MINDY2: variants seen among roughly 807,000 people sequenced by gnomAD.
MINDY2 encodes MINDY lysine 48 deubiquitinase 2, also known as ubiquitin carboxyl-terminal hydrolase MINDY-2.
A neutral mutation model predicts 68.2 loss-of-function variants in MINDY2; 52 were observed. The ratio of observed to expected loss-of-function variants is 0.76; its 90% CI spans 0.61 to 0.96. MINDY2 has a LOEUF of 0.96. Among genes scored for constraint, MINDY2 ranks in the 40% least tolerant of loss-of-function variants. The pLI is 0.00. For missense variants in MINDY2, 881 were observed against 773.4 expected (o/e 1.14, Z -1.65); for synonymous variants, 372 against 303.0 (o/e 1.23, Z -2.36).
In MINDY2 at chr15:58,809,039, C is replaced by T. The variant is rs892136852; in HGVS notation, c.964-1191C>T. Among the ~76,000 whole-genome samples, 10 of 152,234 alleles carry T rather than the reference C, an allele frequency of 6.6e-5. No individual in the cohort carries two copies. In the South Asian group the frequency reaches 1.2e-3, roughly 19 times the overall value. The stretch of plus-strand genomic sequence containing the variant: ...CAGCCTGGGTAACATAGTGAGACCC[C>T]GTCTCTACAAAATATCAAAAACATT... On this transcript the variant is annotated intron_variant, in intron 3 of 8. Coordinates refer to ENST00000559228, the MANE Select transcript of MINDY2 (RefSeq NM_001040450.3).
intron 5 of MINDY2, among the ~76,000 whole-genome samples, chr15:58,829,162 A>G (rs1029085705): frequency 6.6e-6 from 1 of 152,194 alleles, no homozygotes; most frequent in Non-Finnish European, 1.5e-5. Flanking sequence ...AAAAGTTGAA[A>G]CTAGATTGAG....
At chr15:58,854,271 A>C (rs2032973820) in intron 8 of MINDY2, among the ~76,000 whole-genome samples, 1 of 151,880 alleles carries the variant, frequency 6.6e-6, no homozygotes, top group Non-Finnish European at 1.5e-5. Flanking sequence ...AAGAAATTTT[A>C]TTTATTCAGA....
At chr15:58,819,406 C>G (rs1176880418) in intron 4 of MINDY2, among the ~76,000 whole-genome samples, 2 of 152,146 alleles carry the variant, frequency 1.3e-5, no homozygotes, top group East Asian at 3.9e-4. Flanking sequence ...TGTGATCACG[C>G]CACTACATTC....
rs200416592 is a variant in MINDY2 at position 58,808,511 on chromosome 15, G to C, written c.964-1719G>C. Among the ~76,000 whole-genome samples, 50 of 152,040 alleles carry C rather than the reference G, an allele frequency of 3.3e-4. No individual in the cohort carries two copies. The East Asian group carries it at 9.1e-3, about 28-fold the overall frequency. ...GTTTTCTTTACTACTACGCATTTAA[G>C]TTTCCTCTGTGTCTTTTCATGGCTT... On this transcript the variant is annotated intron_variant, in intron 3 of 8. Coordinates refer to ENST00000559228, the MANE Select transcript of MINDY2 (RefSeq NM_001040450.3).
At position 58,772,053 on chromosome 15, in the gene MINDY2, G is replaced by T. The variant is rs376146570; in HGVS notation, c.658G>T (p.Glu220Ter). The part of the protein sequence containing the change: ...VLPGAVPLCK[E>*]EEGEETAQVL... Reference sequence around the variant, plus strand: ...GCCCGGGGCTGTTCCTCTGTGCAAGGAGGAGGAGGGGGAGGAGACCGCTCA... The same window carrying T: ...GCCCGGGGCTGTTCCTCTGTGCAAGTAGGAGGAGGGGGAGGAGACCGCTCA... Residue 220 changes from glutamate (E) to a stop codon, truncating the protein, a stop_gained, in exon 1 of 9, where the codon GAG (glutamate) becomes TAG (stop). Coordinates refer to ENST00000559228, the MANE Select transcript of MINDY2 (RefSeq NM_001040450.3). LOFTEE classifies it high-confidence loss of function. 6.2e-7 allele frequency: 1 copy of T among 1,607,594 alleles called. No homozygotes were observed. Among genetic ancestry groups the T allele is most frequent in the African/African-American group, 1.3e-5 (1 of 74,810 alleles).
intron 2 of MINDY2, among the ~76,000 whole-genome samples, chr15:58,789,312 T>C (rs1212992251): frequency 2.6e-5 from 4 of 152,146 alleles, no homozygotes; most frequent in Admixed American, 2.0e-4. Flanking sequence ...CACTCCAGCC[T>C]GGGCAACAGA....
At chr15:58,803,945 GAAAAAAAAAAAAAA>G (rs34082956) in intron 3 of MINDY2, among the ~76,000 whole-genome samples, 1 of 77,238 alleles carries the variant, frequency 1.3e-5, no homozygotes, top group Non-Finnish European at 2.4e-5. Flanking sequence ...CAGCTCTACT[GAAAAAAAAAAAAAA>G]AAAAAAAAAA....
At chr15:58,825,562 G>A (rs1365264088) in intron 5 of MINDY2, among the ~76,000 whole-genome samples, 1 of 152,028 alleles carries the variant, frequency 6.6e-6, no homozygotes, top group Non-Finnish European at 1.5e-5. Context: ...TCTCAGGAAT[G>A]GTTCTTTTTT....
intron 2 of MINDY2, among the ~76,000 whole-genome samples, chr15:58,792,966 C>T (rs1432913124): frequency 2.6e-5 from 4 of 152,054 alleles, no homozygotes; most frequent in African/African-American, 9.7e-5. Context: ...CATACCACTG[C>T]ATTCCAGCCT....
intron 5 of MINDY2, among the ~76,000 whole-genome samples, chr15:58,825,368 C>CG (rs2031327503): frequency 1.3e-5 from 2 of 152,140 alleles, no homozygotes. Flanking sequence ...ACACTGCTTT[C>CG]GGGTGTCGAT....
rs183232469 is a variant in MINDY2 at position 58,820,031 on chromosome 15, T to C, written c.1123-1686T>C. Among the ~76,000 whole-genome samples, 6 of 152,246 alleles carry C rather than the reference T, an allele frequency of 3.9e-5. No homozygotes were observed. In the East Asian group the frequency reaches 9.7e-4, roughly 25 times the overall value. ...CTGTAATCCCAGCACTTTGGGAGACTGAGGCAGGCAGAGTACTTGAGGTCA... is the reference window on the plus strand; with the variant it reads ...CTGTAATCCCAGCACTTTGGGAGACCGAGGCAGGCAGAGTACTTGAGGTCA... On this transcript the variant is annotated intron_variant, in intron 4 of 8. Coordinates refer to ENST00000559228, the MANE Select transcript of MINDY2 (RefSeq NM_001040450.3).
At chr15:58,837,712 T>C (rs1233744431) in intron 6 of MINDY2, among the ~76,000 whole-genome samples, 1 of 152,024 alleles carries the variant, frequency 6.6e-6, no homozygotes, top group Admixed American at 6.6e-5. Flanking sequence ...ACACATGTAA[T>C]TGCAGTACTT....
intron 6 of MINDY2, among the ~76,000 whole-genome samples, chr15:58,845,897 A>G (rs1248449358): frequency 6.6e-6 from 1 of 152,204 alleles, no homozygotes; most frequent in Non-Finnish European, 1.5e-5. Context: ...AAATGCAACA[A>G]CATGGATGGA....
intron 1 of MINDY2, among the ~76,000 whole-genome samples, chr15:58,778,120 A>G (rs562594629): frequency 1.3e-5 from 2 of 152,254 alleles, no homozygotes; most frequent in South Asian, 2.1e-4. Context: ...CTACTTGGTT[A>G]TACTTTTTTT....
intron 1 of MINDY2, among the ~76,000 whole-genome samples, chr15:58,780,390 G>A (rs958968646): frequency 6.0e-5 from 9 of 150,592 alleles, no homozygotes; most frequent in African/African-American, 2.2e-4. Flanking sequence ...CAACAAGAGC[G>A]AAACTCCATC....
intron 6 of MINDY2, among the ~76,000 whole-genome samples, chr15:58,842,558 G>C (rs2032333551): frequency 6.6e-6 from 1 of 152,072 alleles, no homozygotes; most frequent in Non-Finnish European, 1.5e-5. Flanking sequence ...TAAAAGGGGA[G>C]GGGGCAGAAT....
intron 1 of MINDY2, among the ~76,000 whole-genome samples, chr15:58,779,748 ACT>A (rs1299442698): frequency 1.3e-5 from 2 of 152,178 alleles, no homozygotes; most frequent in African/African-American, 4.8e-5. Flanking sequence ...TGGTGTTGTA[ACT>A]CTGGATTTGT....
At chr15:58,802,717 C>A (rs1327268753) in intron 3 of MINDY2, among the ~76,000 whole-genome samples, 1 of 151,706 alleles carries the variant, frequency 6.6e-6, no homozygotes, top group African/African-American at 2.4e-5. Flanking sequence ...ATGTATCTGT[C>A]CTCATTTTAT....
intron 4 of MINDY2, among the ~76,000 whole-genome samples, chr15:58,811,212 A>C (rs1022514358): frequency 3.9e-5 from 6 of 152,246 alleles, no homozygotes; most frequent in Admixed American, 1.3e-4. Flanking sequence ...TCTTTATTGC[A>C]TAGCTTTGAA....
Sources: allele counts gnomAD v4.1 joint callset (sites outside exome capture counted in the v4.1 genomes callset), GRCh38; gene constraint gnomAD v4.1.1; transcripts MANE v1.5; gene names NCBI Gene and HGNC (gene_info 2026-07-23, HGNC 2026-07-21).